WDR89: variants seen among roughly 807,000 people sequenced by gnomAD.
WDR89 encodes WD repeat-containing protein 89.
WDR89 carries 17 observed loss-of-function variants against 29.1 expected under a neutral mutation model. The observed-to-expected ratio is 0.58, with a 90% CI of 0.40 to 0.88. The LOEUF (loss-of-function observed/expected upper bound fraction) is 0.88, where lower values mean the gene tolerates loss of function less well. Ranked by LOEUF, WDR89 falls within the 40% of genes least tolerant of loss-of-function variation. The probability of loss-of-function intolerance (pLI) is 0.00; values close to 1 mark genes in which losing one functional copy is unlikely to be tolerated. For missense variants in WDR89, 396 were observed against 456.3 expected, an observed-to-expected ratio of 0.87 and a Z score of 1.20; for synonymous variants, 138 against 157.8, an observed-to-expected ratio of 0.87 and a Z score of 0.94.
intron 2 of WDR89, chr14:63,601,426 G>A: frequency 2.3e-6 from 2 of 858,788 alleles, no homozygotes; most frequent in Non-Finnish European, 3.7e-6. Flanking sequence ...ACAAGTTCAA[G>A]GCCAGAAAAA....
At chr14:63,603,648 G>A (rs996754066) in intron 2 of WDR89, among the ~76,000 whole-genome samples, 22 of 152,144 alleles carry the variant, frequency 1.4e-4, no homozygotes, top group African/African-American at 5.3e-4. Context: ...GCTTTTTGAT[G>A]CTCAAAGTGT....
intron 2 of WDR89, among the ~76,000 whole-genome samples, chr14:63,618,659 A>C (rs1469452455): frequency 6.6e-6 from 1 of 152,176 alleles, no homozygotes; most frequent in African/African-American, 2.4e-5. Context: ...CTAAAAATGA[A>C]AAGTCCAGAA....
rs1162788390 is a variant in WDR89, at chr14:63,597,195, T to G, written c.*1584A>C. Reference sequence around the variant, plus strand: ...GTGAGGAGTTAAAGGGGCAGAGCCCTTTATAAAACCATCAGATCTTGTGAG... The same window carrying G: ...GTGAGGAGTTAAAGGGGCAGAGCCCGTTATAAAACCATCAGATCTTGTGAG... On this transcript the variant is annotated 3_prime_UTR_variant, in exon 3 of 3. Coordinates refer to ENST00000620954, the MANE Select transcript of WDR89 (RefSeq NM_080666.4). 1.3e-5 allele frequency: 2 copies of G among 152,182 alleles called. No individual in the cohort carries two copies. The highest frequency in any genetic ancestry group is 2.9e-5 in the Non-Finnish European group (2 of 68,024). 9.4% of individuals were successfully genotyped at this position (152,182 alleles called of 1,614,324 possible).
chr14:63,604,832 T>G (rs1362418109), intron 2 of WDR89, among the ~76,000 whole-genome samples: 4 of 152,146 alleles, frequency 2.6e-5, no homozygotes, highest in Non-Finnish European at 4.4e-5. Context: ...ACAGACCACA[T>G]TTATGATAGT....
intron 1 of WDR89, among the ~76,000 whole-genome samples, chr14:63,640,003 G>A (rs1387001921): frequency 2.0e-5 from 3 of 152,180 alleles, no homozygotes; most frequent in Admixed American, 2.0e-4. Context: ...AACCCAAAAA[G>A]TAGTTACATG....
chr14:63,622,420 A>G (rs1882756696), intron 2 of WDR89, among the ~76,000 whole-genome samples: 1 of 152,168 alleles, frequency 6.6e-6, no homozygotes, highest in Non-Finnish European at 1.5e-5. Flanking sequence ...TCTCTACAAA[A>G]ATACAAAAAA....
At chr14:63,624,347 G>C (rs941660025) in intron 2 of WDR89, among the ~76,000 whole-genome samples, 19 of 151,508 alleles carry the variant, frequency 1.3e-4, no homozygotes, top group Non-Finnish European at 4.4e-5. Flanking sequence ...CATGCCTATA[G>C]TCCCAGCTAC....
chr14:63,631,130 A>G (rs1883373443), intron 1 of WDR89, among the ~76,000 whole-genome samples: 1 of 152,200 alleles, frequency 6.6e-6, no homozygotes, highest in Non-Finnish European at 1.5e-5. Flanking sequence ...AGTGATCAAC[A>G]TGTGAGATGA....
chr14:63,622,105 A>C (rs1432510425), intron 2 of WDR89, among the ~76,000 whole-genome samples: 1 of 152,240 alleles, frequency 6.6e-6, no homozygotes, highest in Non-Finnish European at 1.5e-5. Flanking sequence ...AGTAAAAACT[A>C]GTAATAACAA....
intron 2 of WDR89, chr14:63,601,695 C>G: frequency 6.3e-7 from 1 of 1,580,060 alleles, no homozygotes; most frequent in South Asian, 1.1e-5. Flanking sequence ...TCAACCAGTT[C>G]GTGTGAAAGT....
chr14:63,605,281 C>A (rs61984033), intron 2 of WDR89, among the ~76,000 whole-genome samples: 3,067 of 151,454 alleles, frequency 0.02, 45 homozygotes, highest in South Asian at 0.031. Flanking sequence ...GTGGTCCCTG[C>A]AAATTCATGG....
chr14:63,623,152 C>A (rs571125366), intron 2 of WDR89, among the ~76,000 whole-genome samples: 1 of 147,972 alleles, frequency 6.8e-6, no homozygotes, highest in Non-Finnish European at 1.5e-5. Context: ...GAACCCAGAT[C>A]GCCCTATTGC....
At chr14:63,633,036 G>C (rs75496293) in intron 1 of WDR89, among the ~76,000 whole-genome samples, 1 of 151,974 alleles carries the variant, frequency 6.6e-6, no homozygotes, top group Admixed American at 6.6e-5. Flanking sequence ...GTTTAAACAG[G>C]AGATAGCAAT....
In WDR89 at chr14:63,599,406, A is replaced by T. The variant is rs1434716533; in HGVS notation, c.537T>A (p.His179Gln). The T allele has an allele frequency of 8.1e-6, 13 of 1,614,070 alleles. No individual in the cohort carries two copies. Among genetic ancestry groups the T allele is most frequent in the Non-Finnish European group, 1.1e-5 (13 of 1,180,024 alleles). Residue 179 changes from histidine (H) to glutamine (Q), a missense_variant, in exon 3 of 3, where the codon CAT becomes CAA. By Grantham distance (24) the His-to-Gln change is conservative. Transcript: ENST00000620954. The stretch of plus-strand genomic sequence containing the variant: ...AGACTACCATGTTGGGATTGCTGGG[A>T]TGGAAACGTACTTGAGTGACATCAT... ...HSDDVTQVRF[H>Q]PSNPNMVVSG... is the part of the protein sequence containing the mutation.
chr14:63,631,182 T>A (rs76252570), intron 1 of WDR89, among the ~76,000 whole-genome samples: 5,808 of 152,252 alleles, frequency 0.038, 139 homozygotes, highest in South Asian at 0.083. Context: ...ACACGAAGTA[T>A]ACGTATATCA....
chr14:63,619,770 C>G (rs925276465), intron 2 of WDR89, among the ~76,000 whole-genome samples: 1 of 151,958 alleles, frequency 6.6e-6, no homozygotes, highest in Admixed American at 6.6e-5. Context: ...TCTGGGAGGC[C>G]AAGGCAGGAG....
At chr14:63,633,448 A>C (rs983259221) in intron 1 of WDR89, among the ~76,000 whole-genome samples, 1 of 152,168 alleles carries the variant, frequency 6.6e-6, no homozygotes, top group Non-Finnish European at 1.5e-5. Context: ...ATAGTTTATA[A>C]TCATGTAAAC....
Position 63,619,604 on chromosome 14 carries a change from T to C in WDR89, c.-32+5324A>G, listed in dbSNP as rs1432366954. Among the ~76,000 whole-genome samples, 3 of 152,178 alleles carry C rather than the reference T, an allele frequency of 2.0e-5. No individual in the cohort carries two copies. In the East Asian group the frequency reaches 5.8e-4, roughly 29 times the overall value. On this transcript the variant is annotated intron_variant, in intron 2 of 2. Coordinates refer to ENST00000620954, the MANE Select transcript of WDR89 (RefSeq NM_080666.4). ...ACAAAAAAACTAAAATAATTATGAA[T>C]TGGTTATTTTTAAGCACCCCTCAAA...
Position 63,598,991 on chromosome 14 carries a change from C to CCTT in WDR89, c.951_952insAAG (p.Gln317_Gly318insLys). On this transcript the variant is annotated inframe_insertion, in exon 3 of 3. Coordinates refer to ENST00000620954, the MANE Select transcript of WDR89 (RefSeq NM_080666.4). ...GAACGGACTGTAGCAGCATGCCCTC[C>CCTT]CTGAAGGCTAGTCACATGGGTCAGT... is the stretch of plus-strand genomic sequence containing the variant. The CCTT allele has an allele frequency of 6.2e-7, 1 of 1,614,174 alleles. No homozygotes were observed. Among genetic ancestry groups the CCTT allele is most frequent in the East Asian group, 2.2e-5 (1 of 44,886 alleles).
Sources: gnomAD v4.1 joint callset for allele counts (sites outside exome capture counted in the v4.1 genomes callset) on GRCh38, gnomAD v4.1.1 for gene constraint, MANE v1.5 for transcripts, NCBI Gene and HGNC (gene_info 2026-07-23, HGNC 2026-07-21) for gene names.